GRM8: variants seen among roughly 807,000 people sequenced by gnomAD.
GRM8 encodes glutamate metabotropic receptor 8.
In GRM8, 47 loss-of-function variants were observed where a neutral mutation model predicts 87.2. The observed-to-expected ratio is 0.54, with a 90% CI of 0.43 to 0.69. GRM8 has a LOEUF of 0.69. Ranked by LOEUF, GRM8 falls within the 30% of genes least tolerant of loss-of-function variation. The pLI, the probability that GRM8 is intolerant of heterozygous loss-of-function variation, is 0.00. For synonymous variants in GRM8, 396 were observed against 404.5 expected (o/e 0.98, Z 0.25); for missense variants, 1,019 against 1,139.2 (o/e 0.89, Z 1.52).
At chr7:126,919,520 G>A (rs1346084673) in intron 3 of GRM8, among the ~76,000 whole-genome samples, 1 of 151,958 alleles carries the variant, frequency 6.6e-6, no homozygotes, top group African/African-American at 2.4e-5. Flanking sequence ...CTTAAAAACT[G>A]ATTTTTTGTT....
chr7:127,241,437 CTTTTTTTTTT>C (rs11291980), intron 2 of GRM8, among the ~76,000 whole-genome samples: 1 of 132,946 alleles, frequency 7.5e-6, no homozygotes, highest in South Asian at 2.4e-4. Context: ...TTTTTTTTTT[CTTTTTTTTTT>C]TTTTGAGACA....
At chr7:126,813,092 T>A (rs1420876404) in intron 6 of GRM8, among the ~76,000 whole-genome samples, 1 of 151,992 alleles carries the variant, frequency 6.6e-6, no homozygotes, top group African/African-American at 2.4e-5. Context: ...GATGAAATAA[T>A]CTGTACAACA....
intron 7 of GRM8, among the ~76,000 whole-genome samples, chr7:126,650,361 G>A (rs1425627170): frequency 1.3e-5 from 2 of 152,092 alleles, no homozygotes; most frequent in Non-Finnish European, 2.9e-5. Context: ...AGAAGACCAG[G>A]GCCTCGTTCA....
intron 8 of GRM8, among the ~76,000 whole-genome samples, chr7:126,587,639 G>A (rs777910580): frequency 2.7e-5 from 4 of 149,012 alleles, no homozygotes; most frequent in Non-Finnish European, 4.4e-5. Context: ...GAGAACACTT[G>A]GACACAGGAA....
intron 3 of GRM8, among the ~76,000 whole-genome samples, chr7:127,081,312 G>A (rs866091691): frequency 1.9e-4 from 29 of 152,246 alleles, no homozygotes; most frequent in Middle Eastern, 6.8e-3. Flanking sequence ...AGTAGAGCAG[G>A]ATGGTCCCTA....
chr7:126,827,229 G>C (rs1175315449), intron 6 of GRM8, among the ~76,000 whole-genome samples: 1 of 152,148 alleles, frequency 6.6e-6, no homozygotes, highest in Non-Finnish European at 1.5e-5. Flanking sequence ...GAACTTTAAA[G>C]TAGTTTTTTC....
In GRM8 at chr7:127,106,486, A is replaced by G. The variant is rs1238648347; in HGVS notation, c.727+10T>C. 1 of 1,602,202 alleles carries G rather than the reference A, an allele frequency of 6.2e-7. No individual in the cohort carries two copies. The highest frequency in any genetic ancestry group is 2.2e-5 in the East Asian group (1 of 44,842). On this transcript the variant is annotated intron_variant, in intron 3 of 10. Transcript: ENST00000339582. ...CTCCAAATACAATCATCTGATAAATATATGCTTACCAATCTCCCTCGAGAT... is the reference window on the plus strand; with the variant it reads ...CTCCAAATACAATCATCTGATAAATGTATGCTTACCAATCTCCCTCGAGAT...
chr7:127,103,381 C>A (rs1157727259), intron 3 of GRM8, among the ~76,000 whole-genome samples: 1 of 152,160 alleles, frequency 6.6e-6, no homozygotes, highest in African/African-American at 2.4e-5. Context: ...TGAGTTCTCA[C>A]AAAATCTGTT....
intron 8 of GRM8, among the ~76,000 whole-genome samples, chr7:126,580,606 G>C (rs1795519463): frequency 6.6e-6 from 1 of 152,090 alleles, no homozygotes; most frequent in Non-Finnish European, 1.5e-5. Context: ...ATTGGCATCA[G>C]ATATATATGC....
chr7:127,134,670 A>C (rs968038365), intron 2 of GRM8, among the ~76,000 whole-genome samples: 5 of 152,196 alleles, frequency 3.3e-5, no homozygotes, highest in African/African-American at 9.6e-5. Context: ...ATTTTAAAAC[A>C]TTATAAATAT....
chr7:127,231,401 T>C (rs969071764), intron 2 of GRM8, among the ~76,000 whole-genome samples: 15 of 152,236 alleles, frequency 9.9e-5, no homozygotes, highest in Admixed American at 9.8e-4. Flanking sequence ...AAATTATCCA[T>C]ATTTGATTGA....
At chr7:126,909,395 G>T (rs530204800) in intron 3 of GRM8, among the ~76,000 whole-genome samples, 1 of 152,298 alleles carries the variant, frequency 6.6e-6, no homozygotes, top group Non-Finnish European at 1.5e-5. Flanking sequence ...TTCCTGGGGT[G>T]GGTGGGAGGA....
intron 3 of GRM8, among the ~76,000 whole-genome samples, chr7:127,030,344 T>C (rs1817243941): frequency 6.6e-6 from 1 of 151,990 alleles, no homozygotes; most frequent in South Asian, 2.1e-4. Context: ...CAGGTGGGCT[T>C]AGTGGTAAGG....
At chr7:126,603,026 G>A (rs958738809) in intron 8 of GRM8, among the ~76,000 whole-genome samples, 1 of 147,602 alleles carries the variant, frequency 6.8e-6, no homozygotes, top group Non-Finnish European at 1.5e-5. Context: ...ACATCAAAAA[G>A]CTTATCCACC....
At chr7:127,060,085 A>G (rs1820459187) in intron 3 of GRM8, among the ~76,000 whole-genome samples, 1 of 152,198 alleles carries the variant, frequency 6.6e-6, no homozygotes, top group Non-Finnish European at 1.5e-5. Context: ...AACTAGACAT[A>G]ACAAAAGAAT....
intron 7 of GRM8, among the ~76,000 whole-genome samples, chr7:126,756,227 C>A (rs1816995566): frequency 6.6e-6 from 1 of 151,940 alleles, no homozygotes; most frequent in African/African-American, 2.4e-5. Flanking sequence ...ATAAATAAAT[C>A]TAGGCACAGA....
intron 3 of GRM8, among the ~76,000 whole-genome samples, chr7:126,993,117 A>C (rs559918792): frequency 3.3e-5 from 5 of 152,326 alleles, no homozygotes; most frequent in Admixed American, 6.5e-5. Flanking sequence ...AATTCACTGC[A>C]GATTTTTCTA....
chr7:127,011,829 T>C (rs1350503260), intron 3 of GRM8, among the ~76,000 whole-genome samples: 1 of 152,170 alleles, frequency 6.6e-6, no homozygotes, highest in Non-Finnish European at 1.5e-5. Context: ...CTTCCTTCTG[T>C]ATTTTAAGTG....
intron 3 of GRM8, among the ~76,000 whole-genome samples, chr7:127,036,653 A>G (rs1050555997): frequency 2.0e-5 from 3 of 152,182 alleles, no homozygotes; most frequent in Non-Finnish European, 4.4e-5. Flanking sequence ...TTGGTCAATC[A>G]TAGAGCCAAA....
Sources: gnomAD v4.1 joint callset for allele counts (sites outside exome capture counted in the v4.1 genomes callset) on GRCh38, gnomAD v4.1.1 for gene constraint, MANE v1.5 for transcripts, NCBI Gene and HGNC (gene_info 2026-07-23, HGNC 2026-07-21) for gene names.